COL23A1: variants seen among roughly 807,000 people sequenced by gnomAD.
The protein encoded by COL23A1 is collagen type XXIII alpha 1 chain.
In COL23A1, 97 loss-of-function variants were observed where a neutral mutation model predicts 99.3. The observed-to-expected ratio is 0.98, with a 90% CI of 0.83 to 1.16. COL23A1 has a LOEUF of 1.16. COL23A1 is among the 50% of genes most tolerant of loss of function. The pLI, the probability that COL23A1 is intolerant of heterozygous loss-of-function variation, is 0.00. For synonymous variants in COL23A1, 320 were observed against 308.2 expected, an observed-to-expected ratio of 1.04 and a Z score of -0.40; for missense variants, 762 against 757.4, an observed-to-expected ratio of 1.01 and a Z score of -0.07.
chr5:178,553,534 T>C (rs1762117307), intron 2 of COL23A1, among the ~76,000 whole-genome samples: 1 of 152,224 alleles, frequency 6.6e-6, no homozygotes, highest in Non-Finnish European at 1.5e-5. Context: ...CTCTGCAATA[T>C]TCTGCAAGGA....
chr5:178,464,051 C>T (rs998568331), intron 2 of COL23A1, among the ~76,000 whole-genome samples: 6 of 152,144 alleles, frequency 3.9e-5, no homozygotes, highest in Non-Finnish European at 8.8e-5. Flanking sequence ...CTTTTACTGC[C>T]GTAACATACA....
At chr5:178,408,285 T>C (rs1199872293) in intron 2 of COL23A1, among the ~76,000 whole-genome samples, 1 of 152,120 alleles carries the variant, frequency 6.6e-6, no homozygotes, top group East Asian at 1.9e-4. Context: ...TTAAGACAAG[T>C]TGTCACCAGC....
intron 2 of COL23A1, among the ~76,000 whole-genome samples, chr5:178,321,480 C>CTTTTT (rs570803192): frequency 6.4e-5 from 7 of 109,038 alleles, no homozygotes; most frequent in East Asian, 2.4e-4. Context: ...GTCACCTTCC[C>CTTTTT]TTTTTTTTTT....
chr5:178,248,752 C>T (rs1002801888), intron 19 of COL23A1, among the ~76,000 whole-genome samples: 3 of 152,152 alleles, frequency 2.0e-5, no homozygotes, highest in Admixed American at 1.3e-4. Flanking sequence ...AAACCGAGGC[C>T]CCAGGAGGTT....
chr5:178,505,249 CCT>C (rs1408005241), intron 2 of COL23A1, among the ~76,000 whole-genome samples: 2 of 136,532 alleles, frequency 1.5e-5, no homozygotes, highest in Non-Finnish European at 3.4e-5. Flanking sequence ...TCTAAATTTC[CCT>C]TTTTCTTTTT....
intron 7 of COL23A1, 128 bp from the exon 8 acceptor site, chr5:178,267,461 G>C: frequency 1.1e-6 from 1 of 916,268 alleles, no homozygotes; most frequent in Non-Finnish European, 1.6e-6. Flanking sequence ...TAGCAGGCAG[G>C]CCCTATTTTT....
chr5:178,274,185 C>T (rs1014103999), intron 5 of COL23A1, among the ~76,000 whole-genome samples: 2 of 152,242 alleles, frequency 1.3e-5, no homozygotes, highest in East Asian at 1.9e-4. Flanking sequence ...GCTCCTTCCA[C>T]CCCTGCAATG....
At chr5:178,378,799 A>T (rs1402704883) in intron 2 of COL23A1, among the ~76,000 whole-genome samples, 2 of 152,318 alleles carry the variant, frequency 1.3e-5, no homozygotes, top group East Asian at 1.9e-4. Context: ...GACCGCTGGC[A>T]GGTGGCAGCG....
intron 8 of COL23A1, among the ~76,000 whole-genome samples, chr5:178,264,694 T>C (rs1765815000): frequency 6.6e-6 from 1 of 152,228 alleles, no homozygotes; most frequent in South Asian, 2.1e-4. Context: ...TTTTGCTCTG[T>C]CGCTCAGGCT....
chr5:178,331,951 C>T (rs1333512525), intron 2 of COL23A1, among the ~76,000 whole-genome samples: 1 of 152,198 alleles, frequency 6.6e-6, no homozygotes, highest in Non-Finnish European at 1.5e-5. Context: ...CGGGAGGCTG[C>T]TGGAGGCCTG....
At chr5:178,420,765 G>A (rs1765593845) in intron 2 of COL23A1, among the ~76,000 whole-genome samples, 1 of 143,738 alleles carries the variant, frequency 7.0e-6, no homozygotes, top group Non-Finnish European at 1.5e-5. Flanking sequence ...TTTGGGCCTT[G>A]AAAGGGCAAA....
chr5:178,571,794 C>T (rs1364480398), intron 1 of COL23A1, among the ~76,000 whole-genome samples: 2 of 152,076 alleles, frequency 1.3e-5, no homozygotes, highest in African/African-American at 4.8e-5. Flanking sequence ...ACTGGGCTGG[C>T]CACAGTGGCT....
intron 2 of COL23A1, among the ~76,000 whole-genome samples, chr5:178,322,636 T>C (rs1169807085): frequency 6.6e-6 from 1 of 151,996 alleles, no homozygotes; most frequent in Non-Finnish European, 1.5e-5. Flanking sequence ...CATGTGAAGA[T>C]GAGCCGAGGT....
At chr5:178,245,894 T>C (rs1314124650) in intron 25 of COL23A1, 48 bp downstream of exon 25, 1 of 1,607,176 alleles carries the variant, frequency 6.2e-7, no homozygotes, top group African/African-American at 1.3e-5. Flanking sequence ...GGGCAGAAGA[T>C]ACACACAAGA....
intron 1 of COL23A1, among the ~76,000 whole-genome samples, chr5:178,578,236 ACTC>A (rs1402843761): frequency 6.6e-6 from 1 of 151,374 alleles, no homozygotes; most frequent in African/African-American, 2.4e-5. Flanking sequence ...ACACATGCAT[ACTC>A]CTGGCACACA....
At chr5:178,423,054 A>G (rs552153456) in intron 2 of COL23A1, among the ~76,000 whole-genome samples, 76 of 152,224 alleles carry the variant, frequency 5.0e-4, no homozygotes, top group Non-Finnish European at 9.4e-4. Flanking sequence ...GCAGCCTGGA[A>G]CTACTGGGCT....
At chr5:178,582,594 C>T (rs1172555563) in intron 1 of COL23A1, among the ~76,000 whole-genome samples, 6 of 152,198 alleles carry the variant, frequency 3.9e-5, no homozygotes. Flanking sequence ...GCGCCAGCCC[C>T]ACCTCACAGC....
rs1765101575 is a variant in COL23A1 at position 178,252,709 on chromosome 5, G to C, written c.961-112C>G. 5 of 903,840 alleles carry C rather than the reference G, an allele frequency of 5.5e-6. 1 individual carries two copies. In the South Asian group the frequency reaches 6.7e-5, roughly 12 times the overall value. 56.0% of individuals were successfully genotyped at this position (903,840 alleles called of 1,614,324 possible). On this transcript the variant is annotated intron_variant, in intron 16 of 28. Coordinates refer to ENST00000390654, the MANE Select transcript of COL23A1 (RefSeq NM_173465.4). ...TCCCCGTCCAGCTGAGCAGAGCAGG[G>C]GCAGGGTCCTTGGGGACTGCTTCTT...
intron 2 of COL23A1, among the ~76,000 whole-genome samples, chr5:178,520,364 G>C (rs1759872477): frequency 6.6e-6 from 1 of 152,156 alleles, no homozygotes; most frequent in African/African-American, 2.4e-5. Context: ...GACCCCTTCG[G>C]AACTGCACCA....
Sources: gnomAD v4.1 joint callset for allele counts (sites outside exome capture counted in the v4.1 genomes callset) on GRCh38, gnomAD v4.1.1 for gene constraint, MANE v1.5 for transcripts, NCBI Gene and HGNC (gene_info 2026-07-23, HGNC 2026-07-21) for gene names.